IFT43: variants seen among roughly 807,000 people sequenced by gnomAD.
The protein encoded by IFT43 is intraflagellar transport 43.
Under a neutral mutation model 32.3 loss-of-function variants are expected in IFT43, and 33 were observed. The ratio of observed to expected loss-of-function variants is 1.02; its 90% CI spans 0.77 to 1.37. IFT43 has a LOEUF of 1.37. Among genes scored for constraint, IFT43 ranks in the 40% most tolerant of loss-of-function variants. The pLI is 0.00. For missense variants in IFT43, 274 were observed against 265.9 expected, an observed-to-expected ratio of 1.03 and a Z score of -0.21; for synonymous variants, 93 against 98.2, an observed-to-expected ratio of 0.95 and a Z score of 0.31.
Position 75,999,227 on chromosome 14 carries a change from TTATATATATATATATATATATATA to T in IFT43, c.147+10272_147+10295del, listed in dbSNP as rs1162371057. Among the ~76,000 whole-genome samples the T allele has an allele frequency of 8.2e-3, 789 of 96,054 alleles. 54 individuals are homozygous for T. The highest frequency in any genetic ancestry group is 0.072 in the Admixed American group (642 of 8,938). 63.0% of individuals were successfully genotyped at this position (96,054 alleles called of 152,430 possible). On this transcript the variant is annotated intron_variant, in intron 2 of 8. Coordinates refer to ENST00000314067, the MANE Select transcript of IFT43 (RefSeq NM_001102564.3). ...ATATTCATTTATATATAAATTCATT[TTATATATATATATATATATATATA>T]TATATATATATATATATATATGTAT...
At chr14:76,047,836 TG>T (rs2036838996) in intron 3 of IFT43, among the ~76,000 whole-genome samples, 1 of 149,594 alleles carries the variant, frequency 6.7e-6, no homozygotes, top group Non-Finnish European at 1.5e-5. Flanking sequence ...AGGGACTGCG[TG>T]GGGGTTGTCA....
At chr14:76,054,880 G>A (rs1316639086) in intron 3 of IFT43, among the ~76,000 whole-genome samples, 1 of 152,178 alleles carries the variant, frequency 6.6e-6, no homozygotes, top group African/African-American at 2.4e-5. Context: ...AGGTGCTCCA[G>A]GACCCATAAT....
chr14:76,047,778 C>T (rs537859024), intron 3 of IFT43, among the ~76,000 whole-genome samples: 7 of 150,428 alleles, frequency 4.7e-5, no homozygotes, highest in African/African-American at 9.8e-5. Flanking sequence ...CTGCACACTA[C>T]ACTGTCTTGA....
intron 3 of IFT43, among the ~76,000 whole-genome samples, chr14:76,056,639 C>A (rs923506047): frequency 2.0e-5 from 3 of 152,338 alleles, no homozygotes. Context: ...TCCTTCCTAG[C>A]CTCTTTAATC....
chr14:75,990,662 A>G (rs1296716125), intron 2 of IFT43, among the ~76,000 whole-genome samples: 3 of 152,130 alleles, frequency 2.0e-5, no homozygotes, highest in Non-Finnish European at 4.4e-5. Flanking sequence ...GGAGCATTGG[A>G]GGCACAGTTA....
In IFT43 at chr14:75,999,260, TA is replaced by T. The variant is rs1566699473; in HGVS notation, c.147+10284del. On this transcript the variant is annotated intron_variant, in intron 2 of 8. Coordinates refer to ENST00000314067, the MANE Select transcript of IFT43 (RefSeq NM_001102564.3). The stretch of plus-strand genomic sequence containing the variant: ...ATATATATATATATATATATATATA[TA>T]TATATATATATGTATATATATTTTT... Among the ~76,000 whole-genome samples, 49 of 19,748 alleles carry T rather than the reference TA, an allele frequency of 2.5e-3. 1 individual carries two copies. The highest frequency in any genetic ancestry group is 8.2e-3 in the African/African-American group (29 of 3,528). The allele number at this position is 19,748 out of a possible 152,430, so 13.0% of individuals were successfully genotyped here.
At position 76,040,528 on chromosome 14, in the gene IFT43, T is replaced by C. The variant is rs572550939; in HGVS notation, c.216-18114T>C. 3.3e-5 allele frequency among the ~76,000 whole-genome samples: 5 copies of C among 152,254 alleles called. No homozygotes were observed. In the South Asian group the frequency reaches 6.2e-4, roughly 19 times the overall value. On this transcript the variant is annotated intron_variant, in intron 3 of 8. Transcript: ENST00000314067. ...GCACTTTCATGCACTTCTACTTGGG[T>C]TGATATAGTGACATTTGGTGCAGAG...
intron 2 of IFT43, chr14:76,013,820 G>A (rs2036131237): frequency 1.9e-5 from 5 of 268,726 alleles, no homozygotes; most frequent in Non-Finnish European, 3.1e-5. Context: ...ATATGATAAG[G>A]GGGCCTTCAG....
At chr14:75,986,146 C>T (rs2035521425) in intron 1 of IFT43, 1 of 1,370,528 alleles carries the variant, frequency 7.3e-7, no homozygotes, top group Non-Finnish European at 9.6e-7. Context: ...GCGAACTTCC[C>T]CAGAACAGAT....
At chr14:76,052,899 C>T (rs897450537) in intron 3 of IFT43, among the ~76,000 whole-genome samples, 3 of 152,154 alleles carry the variant, frequency 2.0e-5, no homozygotes, top group Non-Finnish European at 4.4e-5. Context: ...TTGTCCCCGT[C>T]CTGAAAATAT....
At chr14:76,058,546 A>G in intron 3 of IFT43, 96 bp from the exon 4 acceptor site, 1 of 1,432,792 alleles carries the variant, frequency 7.0e-7, no homozygotes, top group Non-Finnish European at 9.7e-7. Flanking sequence ...GAGATATACT[A>G]ATTTGCCTCC....
intron 5 of IFT43, among the ~76,000 whole-genome samples, chr14:76,068,796 A>G (rs1041456235): frequency 6.6e-5 from 10 of 152,104 alleles, no homozygotes; most frequent in Non-Finnish European, 1.5e-5. Context: ...TAGTTCATTT[A>G]TTTGTTCGTT....
intron 3 of IFT43, among the ~76,000 whole-genome samples, chr14:76,048,148 G>A (rs1026471501): frequency 3.9e-5 from 6 of 152,196 alleles, no homozygotes; most frequent in African/African-American, 9.7e-5. Context: ...AACCTTGAGC[G>A]CTGCACGCAT....
At chr14:76,068,672 C>T (rs952086027) in intron 5 of IFT43, among the ~76,000 whole-genome samples, 3 of 152,212 alleles carry the variant, frequency 2.0e-5, no homozygotes, top group Admixed American at 1.3e-4. Flanking sequence ...TTCCAGCTTG[C>T]CCTAAGTCCT....
At chr14:75,996,719 G>T (rs1287972664) in intron 2 of IFT43, among the ~76,000 whole-genome samples, 1 of 152,172 alleles carries the variant, frequency 6.6e-6, no homozygotes, top group Non-Finnish European at 1.5e-5. Flanking sequence ...TCTGAAGGTC[G>T]ACAGTCTTTC....
At chr14:76,083,764 CTCT>C (rs1335561995), downstream of IFT43, 9 of 712,546 alleles carry the variant, frequency 1.3e-5, no homozygotes, top group African/African-American at 1.0e-4. Context: ...TCTTTCCAGT[CTCT>C]TCTTGGAAAA....
At chr14:76,059,804 G>A (rs1350608395) in intron 5 of IFT43, among the ~76,000 whole-genome samples, 2 of 152,184 alleles carry the variant, frequency 1.3e-5, no homozygotes, top group Non-Finnish European at 2.9e-5. Flanking sequence ...CAACCCCGTA[G>A]TACTACTATT....
At chr14:76,036,270 T>A (rs551486962) in intron 3 of IFT43, among the ~76,000 whole-genome samples, 1 of 152,302 alleles carries the variant, frequency 6.6e-6, no homozygotes, top group South Asian at 2.1e-4. Flanking sequence ...ATAGGTGGAT[T>A]GTAAACAGAA....
intron 5 of IFT43, among the ~76,000 whole-genome samples, chr14:76,070,569 C>T (rs768078101): frequency 6.6e-6 from 1 of 152,060 alleles, no homozygotes; most frequent in Non-Finnish European, 1.5e-5. Context: ...AAACAATGAT[C>T]GTAACTACTT....
Sources: gnomAD v4.1 joint callset for allele counts (sites outside exome capture counted in the v4.1 genomes callset) on GRCh38, gnomAD v4.1.1 for gene constraint, MANE v1.5 for transcripts, NCBI Gene and HGNC (gene_info 2026-07-23, HGNC 2026-07-21) for gene names.